CENPW: variants seen among roughly 807,000 people sequenced by gnomAD.
CENPW encodes the protein centromere protein W, also known as cancer-up-regulated gene 2 protein.
In CENPW, 3 loss-of-function variants were observed where a neutral mutation model predicts 11.1. That is an observed-to-expected ratio of 0.27 (90% CI 0.12 to 0.70). The LOEUF (loss-of-function observed/expected upper bound fraction) is 0.70, where lower values mean the gene tolerates loss of function less well. Ranked by LOEUF, CENPW falls within the 30% of genes least tolerant of loss-of-function variation. CENPW has a pLI of 0.77. For synonymous variants in CENPW, 38 were observed against 42.0 expected, an observed-to-expected ratio of 0.91 and a Z score of 0.37; for missense variants, 100 against 105.6, an observed-to-expected ratio of 0.95 and a Z score of 0.23.
At chr6:126,362,561 A>G in the CENPW span, among the ~76,000 whole-genome samples, 1,043 of 152,162 alleles carry the variant, frequency 6.9e-3, 11 homozygotes, top group Admixed American at 0.014. Flanking sequence ...TTACTTGTTA[A>G]TTCGTTCTCT....
the CENPW span, among the ~76,000 whole-genome samples, chr6:126,413,075 G>A: frequency 6.6e-6 from 1 of 152,012 alleles, no homozygotes; most frequent in Non-Finnish European, 1.5e-5. Flanking sequence ...TTTGTTTTCT[G>A]TAGAGAGGTT....
the CENPW span, among the ~76,000 whole-genome samples, chr6:126,400,367 CTCTAT>C: frequency 2.0e-5 from 3 of 151,978 alleles, no homozygotes; most frequent in Non-Finnish European, 4.4e-5. Context: ...TTTGCGAGTT[CTCTAT>C]TCAAGTTATC....
the CENPW span, among the ~76,000 whole-genome samples, chr6:126,466,477 A>G: frequency 6.6e-6 from 1 of 152,076 alleles, no homozygotes; most frequent in East Asian, 1.9e-4. Flanking sequence ...TCATTTTTGG[A>G]GTTGAGATTT....
the CENPW span, among the ~76,000 whole-genome samples, chr6:126,405,861 A>G: frequency 6.6e-6 from 1 of 151,526 alleles, no homozygotes; most frequent in Non-Finnish European, 1.5e-5. Context: ...AAGTTTATTG[A>G]TTTTGCTTAT....
the CENPW span, among the ~76,000 whole-genome samples, chr6:126,414,949 G>C: frequency 5.3e-5 from 8 of 151,926 alleles, no homozygotes; most frequent in Non-Finnish European, 7.4e-5. Context: ...AGGATCATTA[G>C]CGATGGCTAT....
At chr6:126,425,814 C>A in the CENPW span, among the ~76,000 whole-genome samples, 3 of 151,476 alleles carry the variant, frequency 2.0e-5, no homozygotes, top group Non-Finnish European at 4.4e-5. Context: ...AAAAAAAAAC[C>A]CTCAAGTTTT....
the CENPW span, among the ~76,000 whole-genome samples, chr6:126,387,472 CTAT>C: frequency 6.6e-6 from 1 of 151,916 alleles, no homozygotes; most frequent in Admixed American, 6.6e-5. Context: ...GCCATCCTCT[CTAT>C]TATATGCCTT....
the CENPW span, among the ~76,000 whole-genome samples, chr6:126,449,622 CT>C: frequency 6.6e-6 from 1 of 151,078 alleles, no homozygotes. Context: ...TCAGAATAGA[CT>C]GTGGATTAGG....
At chr6:126,352,811 A>G (rs1459134789), downstream of CENPW, among the ~76,000 whole-genome samples, 2 of 151,916 alleles carry the variant, frequency 1.3e-5, no homozygotes, top group Admixed American at 1.3e-4. Context: ...ACATTTTACA[A>G]TTTGCTGGTG....
chr6:126,367,821 A>C, the CENPW span, among the ~76,000 whole-genome samples: 1 of 152,280 alleles, frequency 6.6e-6, no homozygotes, highest in East Asian at 1.9e-4. Flanking sequence ...AAGAGGAGAC[A>C]GTTGATGTGG....
intron 2 of CENPW, among the ~76,000 whole-genome samples, chr6:126,346,616 T>G (rs1780415890): frequency 2.6e-5 from 4 of 152,200 alleles, no homozygotes; most frequent in Admixed American, 2.0e-4. Context: ...TACTTTCTTC[T>G]TGATCTTTTA....
the CENPW span, among the ~76,000 whole-genome samples, chr6:126,413,115 A>G: frequency 5.3e-5 from 8 of 152,136 alleles, no homozygotes; most frequent in African/African-American, 1.9e-4. Context: ...TCATTCCAGA[A>G]GCTTTCTGGA....
At chr6:126,414,812 G>C in the CENPW span, among the ~76,000 whole-genome samples, 5 of 151,474 alleles carry the variant, frequency 3.3e-5, no homozygotes, top group East Asian at 7.7e-4. Context: ...AAAAAAAGAT[G>C]AAGAAAATGA....
At chr6:126,396,660 A>C in the CENPW span, among the ~76,000 whole-genome samples, 3 of 151,760 alleles carry the variant, frequency 2.0e-5, no homozygotes, top group African/African-American at 7.3e-5. Flanking sequence ...AATGTGCTGG[A>C]TCTCCCCTGA....
chr6:126,414,136 A>G, the CENPW span, among the ~76,000 whole-genome samples: 1 of 152,050 alleles, frequency 6.6e-6, no homozygotes, highest in Non-Finnish European at 1.5e-5. Flanking sequence ...GTGAATATGT[A>G]TGCACGAAGC....
chr6:126,340,149 A>C lies in CENPW; in HGVS notation c.-125A>C. 1 of 879,872 alleles carries C rather than the reference A, an allele frequency of 1.1e-6. No homozygotes were observed. The highest frequency in any genetic ancestry group is 1.8e-6 in the Non-Finnish European group (1 of 554,444). The allele number at this position is 879,872 out of a possible 1,614,324, so 54.5% of individuals were successfully genotyped here. On this transcript the variant is annotated 5_prime_UTR_variant, in exon 1 of 3. Coordinates refer to ENST00000368328, the MANE Select transcript of CENPW (RefSeq NM_001012507.4). ...GCGGCGGATTCGAACGTTCGGACTG[A>C]GGTTTTTCTGCCTGAAGAAGCGTCA...
chr6:126,362,876 C>T, the CENPW span, among the ~76,000 whole-genome samples: 2 of 152,132 alleles, frequency 1.3e-5, no homozygotes, highest in South Asian at 4.2e-4. Flanking sequence ...CCAAAGCTAC[C>T]CATAAGAGAA....
chr6:126,346,073 A>G, intron 1 of CENPW, 132 bp from the exon 2 acceptor site: 1 of 496,122 alleles, frequency 2.0e-6, no homozygotes, highest in South Asian at 3.9e-5. Context: ...GTAATTTTAA[A>G]TAGAAGAGTT....
the CENPW span, among the ~76,000 whole-genome samples, chr6:126,426,215 C>T: frequency 3.3e-5 from 5 of 151,956 alleles, no homozygotes; most frequent in Admixed American, 6.6e-5. Flanking sequence ...GTTAACAGAA[C>T]CTTAAACTAG....
Sources: gnomAD v4.1 joint callset for allele counts (sites outside exome capture counted in the v4.1 genomes callset) on GRCh38, gnomAD v4.1.1 for gene constraint, MANE v1.5 for transcripts, NCBI Gene and HGNC (gene_info 2026-07-23, HGNC 2026-07-21) for gene names.